The following COL4A5 variants were observed in gnomAD, a reference collection of about 807,000 sequenced individuals.
COL4A5 encodes collagen alpha-5(IV) chain.
In COL4A5, 26 loss-of-function variants were observed where a neutral mutation model predicts 130.2. That is an observed-to-expected ratio of 0.20 (90% CI 0.15 to 0.28). COL4A5 has a LOEUF of 0.28. COL4A5 is among the 10% of genes least tolerant of loss of function. The pLI, the probability that COL4A5 is intolerant of heterozygous loss-of-function variation, is 1.00. For missense variants in COL4A5, 1,131 were observed against 1,344.3 expected (o/e 0.84, Z 2.48); for synonymous variants, 496 against 439.6 (o/e 1.13, Z -1.60).
chrX:108,505,723 G>A (rs1472905508), intron 1 of COL4A5, among the ~76,000 whole-genome samples: 4 of 112,010 alleles, frequency 3.6e-5, no homozygotes, highest in Non-Finnish European at 7.5e-5. Context: ...GCCTTGAGAA[G>A]AGTGAAAGAA....
chrX:108,669,037 G>A (rs2068142621), intron 41 of COL4A5, among the ~76,000 whole-genome samples: 1 of 112,017 alleles, frequency 8.9e-6, no homozygotes, highest in Non-Finnish European at 1.9e-5. Context: ...CAACATCACA[G>A]CATGATCAAA....
At chrX:108,560,922 G>A (rs1300759907) in intron 3 of COL4A5, among the ~76,000 whole-genome samples, 1 of 111,199 alleles carries the variant, frequency 9.0e-6, no homozygotes, top group Non-Finnish European at 1.9e-5. Context: ...CACCACCATC[G>A]AGGCCAAAAT....
chrX:108,529,589 A>G (rs1403551781), intron 1 of COL4A5, among the ~76,000 whole-genome samples: 1 of 111,878 alleles, frequency 8.9e-6, no homozygotes, highest in Non-Finnish European at 1.9e-5. Flanking sequence ...TATATTTTCC[A>G]CTTAAAATAT....
intron 1 of COL4A5, among the ~76,000 whole-genome samples, chrX:108,529,600 A>G (rs1299571331): frequency 1.8e-5 from 2 of 111,958 alleles, no homozygotes; most frequent in Non-Finnish European, 3.8e-5. Flanking sequence ...CTTAAAATAT[A>G]TTAAATGGCT....
rs770915647 is a variant in COL4A5 at position 108,597,027 on chromosome X, G to C, written c.1546G>C (p.Glu516Gln). Reference sequence around the variant, plus strand: ...TCTTGGTTTCCCTGGACAGAAAGGGGAAAAAGGACAAGCTGGTGCAACTGG... The same window carrying C: ...TCTTGGTTTCCCTGGACAGAAAGGGCAAAAAGGACAAGCTGGTGCAACTGG... Reference protein sequence around the residue: ...GSLGFPGQKGEKGQAGATGPK... With the variant: ...GSLGFPGQKGQKGQAGATGPK... Residue 516 changes from glutamate (E) to glutamine (Q), a missense_variant, in exon 23 of 53, where the codon GAA becomes CAA. Coordinates refer to ENST00000328300, the MANE Select transcript of COL4A5 (RefSeq NM_033380.3). 15 of 1,188,235 alleles carry C rather than the reference G, an allele frequency of 1.3e-5. No homozygotes were observed. The highest frequency in any genetic ancestry group is 1.7e-5 in the Non-Finnish European group (15 of 882,485).
chrX:108,620,385 C>T lies in COL4A5; in HGVS notation c.2636C>T (p.Ser879Leu). ...CCTGGTCCTATAGGACCTCCAGGAT[C>T]ACCAGGGCTTCCAGGAAAAGCAGGT... ...GAPGPIGPPGSPGLPGKAGAS... is the reference protein window; with the variant it reads ...GAPGPIGPPGLPGLPGKAGAS... The change falls in exon 31 of 53, where the codon TCA (serine) becomes TTA (leucine). Residue 879 changes from serine (S) to leucine (L), a missense_variant. Coordinates refer to ENST00000328300, the MANE Select transcript of COL4A5 (RefSeq NM_033380.3). 12 of 1,210,080 alleles carry T rather than the reference C, an allele frequency of 9.9e-6. No homozygotes were observed. Among genetic ancestry groups the T allele is most frequent in the Non-Finnish European group, 1.2e-5 (11 of 894,382 alleles).
intron 36 of COL4A5, among the ~76,000 whole-genome samples, chrX:108,632,450 A>G (rs1178005220): frequency 9.0e-6 from 1 of 111,725 alleles, no homozygotes; most frequent in East Asian, 2.8e-4. Context: ...AATCCATAGA[A>G]AAAGAGGGAA....
At chrX:108,491,660 C>T (rs1196543144) in intron 1 of COL4A5, among the ~76,000 whole-genome samples, 4 of 111,277 alleles carry the variant, frequency 3.6e-5, no homozygotes, top group South Asian at 3.8e-4. Context: ...TGTCCCACCC[C>T]CTGCTCTCTA....
chrX:108,483,864 A>T (rs1364389946), intron 1 of COL4A5, among the ~76,000 whole-genome samples: 1 of 112,478 alleles, frequency 8.9e-6, no homozygotes, highest in African/African-American at 3.2e-5. Context: ...TTCTCTGATG[A>T]ACAATGTTTA....
chrX:108,648,042 C>CT (rs1176932853), intron 36 of COL4A5, among the ~76,000 whole-genome samples: 12 of 110,867 alleles, frequency 1.1e-4, no homozygotes, highest in Admixed American at 4.8e-4. Flanking sequence ...CTAAAATTCT[C>CT]TTTTTTTGTT....
At chrX:108,653,708 C>A (rs1159567388) in intron 36 of COL4A5, among the ~76,000 whole-genome samples, 1 of 110,887 alleles carries the variant, frequency 9.0e-6, no homozygotes, top group Non-Finnish European at 1.9e-5. Flanking sequence ...TTACCACTAG[C>A]AGAATAGTGG....
intron 30 of COL4A5, among the ~76,000 whole-genome samples, chrX:108,616,524 C>A (rs887478884): frequency 4.9e-4 from 55 of 111,438 alleles, no homozygotes; most frequent in African/African-American, 1.4e-3. Flanking sequence ...GAGTGAGCCA[C>A]TGCGCCCGGC....
At chrX:108,493,926 T>C (rs2065013827) in intron 1 of COL4A5, among the ~76,000 whole-genome samples, 1 of 111,436 alleles carries the variant, frequency 9.0e-6, no homozygotes, top group Non-Finnish European at 1.9e-5. Context: ...GTCAAAGCCA[T>C]GCCTGAAAGA....
At chrX:108,486,446 C>T (rs780491426) in intron 1 of COL4A5, among the ~76,000 whole-genome samples, 6 of 111,192 alleles carry the variant, frequency 5.4e-5, no homozygotes, top group East Asian at 2.8e-4. Context: ...TAGATTTTTG[C>T]GGAACAGGTG....
At chrX:108,579,791 A>T (rs1049051848) in intron 13 of COL4A5, among the ~76,000 whole-genome samples, 1 of 112,057 alleles carries the variant, frequency 8.9e-6, no homozygotes, top group African/African-American at 3.2e-5. Flanking sequence ...CTCCCAAAAT[A>T]TATGTATGCC....
chrX:108,544,499 G>T (rs2046779627), intron 2 of COL4A5, among the ~76,000 whole-genome samples: 1 of 111,766 alleles, frequency 8.9e-6, no homozygotes, highest in Non-Finnish European at 1.9e-5. Flanking sequence ...TGTGCTCTTG[G>T]ATTCAGTTTG....
rs770423254 is a variant in COL4A5 at position 108,687,510 on chromosome X, T to C, written c.4344T>C (p.Gly1448=). ...PGTRGLDGPP[G]PDGLQGPPGP... ...CCCGTGGTTTGGATGGTCCCCCTGG[T>C]CCAGATGGATTGCAAGGTCCCCCAG... The change falls in exon 49 of 53, where the codon GGT becomes GGC. Residue 1448 remains glycine, a synonymous_variant. Transcript: ENST00000328300. 2.5e-6 allele frequency: 3 copies of C among 1,211,698 alleles called. No individual in the cohort carries two copies. Among genetic ancestry groups the C allele is most frequent in the Non-Finnish European group, 2.2e-6 (2 of 895,380 alleles).
At chrX:108,507,064 C>CA (rs1198660597) in intron 1 of COL4A5, among the ~76,000 whole-genome samples, 3 of 108,620 alleles carry the variant, frequency 2.8e-5, no homozygotes, top group Admixed American at 2.0e-4. Flanking sequence ...AGCCTACCAA[C>CA]AAAAAAAAGC....
chrX:108,659,128 A>T (rs1321956020), intron 37 of COL4A5, among the ~76,000 whole-genome samples: 1 of 110,970 alleles, frequency 9.0e-6, no homozygotes, highest in East Asian at 2.8e-4. Context: ...ATATTTTCTA[A>T]TTTTCCTGTT....
Sources: gnomAD v4.1 joint callset for allele counts (sites outside exome capture counted in the v4.1 genomes callset) on GRCh38, gnomAD v4.1.1 for gene constraint, MANE v1.5 for transcripts, NCBI Gene and HGNC (gene_info 2026-07-23, HGNC 2026-07-21) for gene names.